Variants in LRRC8C observed in about 807,000 individuals in gnomAD.
LRRC8C encodes leucine rich repeat containing 8 VRAC subunit C, also known as volume-regulated anion channel subunit LRRC8C.
In LRRC8C, 20 loss-of-function variants were observed where a neutral mutation model predicts 55.3. The ratio of observed to expected loss-of-function variants is 0.36; its 90% CI spans 0.25 to 0.53. The LOEUF is 0.53. Among genes scored for constraint, LRRC8C ranks in the 20% least tolerant of loss-of-function variants. The probability of loss-of-function intolerance (pLI) is 0.92; values close to 1 mark genes in which losing one functional copy is unlikely to be tolerated. For synonymous variants in LRRC8C, 376 were observed against 360.7 expected (o/e 1.04, Z -0.48); for missense variants, 659 against 951.4 (o/e 0.69, Z 4.04).
intron 1 of LRRC8C, among the ~76,000 whole-genome samples, chr1:89,680,521 T>A (rs961243090): frequency 6.7e-6 from 1 of 150,228 alleles, no homozygotes; most frequent in African/African-American, 2.4e-5. Flanking sequence ...TGGTAGTTGA[T>A]AAGTGCCAGG....
At chr1:89,643,360 G>T (rs1221873593) in intron 1 of LRRC8C, among the ~76,000 whole-genome samples, 2 of 152,200 alleles carry the variant, frequency 1.3e-5, no homozygotes, top group East Asian at 3.9e-4. Context: ...GAAGTTACAG[G>T]CATAAGCCAC....
At chr1:89,708,451 C>T (rs1455160771) in intron 2 of LRRC8C, 1 of 151,466 alleles carries the variant, frequency 6.6e-6, no homozygotes, top group Non-Finnish European at 1.5e-5. Flanking sequence ...GAAAAAGAAA[C>T]GTGAAGTATA....
At chr1:89,621,818 G>C in the LRRC8C span, among the ~76,000 whole-genome samples, 1 of 152,168 alleles carries the variant, frequency 6.6e-6, no homozygotes, top group Non-Finnish European at 1.5e-5. Flanking sequence ...TTTTTCAAAT[G>C]CATCTATGTT....
intron 1 of LRRC8C, among the ~76,000 whole-genome samples, chr1:89,671,377 C>A (rs1047750575): frequency 7.3e-5 from 11 of 149,870 alleles, no homozygotes; most frequent in African/African-American, 2.8e-4. Context: ...AAAAACAGAT[C>A]AAAGGAGACT....
chr1:89,674,739 C>T (rs1336384739), intron 1 of LRRC8C, among the ~76,000 whole-genome samples: 1 of 152,168 alleles, frequency 6.6e-6, no homozygotes, highest in Admixed American at 6.5e-5. Flanking sequence ...GATAATTAGT[C>T]AACCGTTAGT....
chr1:89,623,190 A>G, the LRRC8C span, among the ~76,000 whole-genome samples: 1 of 152,022 alleles, frequency 6.6e-6, no homozygotes, highest in Admixed American at 6.6e-5. Context: ...ACATGCGCAC[A>G]CACACACACA....
At chr1:89,689,950 AAGAG>A (rs1392516743) in intron 2 of LRRC8C, among the ~76,000 whole-genome samples, 1 of 152,180 alleles carries the variant, frequency 6.6e-6, no homozygotes, top group Non-Finnish European at 1.5e-5. Flanking sequence ...CAAAAAAAAA[AAGAG>A]AGAAATCAAG....
chr1:89,692,858 G>T (rs1037052589), intron 2 of LRRC8C, among the ~76,000 whole-genome samples: 2 of 152,118 alleles, frequency 1.3e-5, no homozygotes, highest in African/African-American at 4.8e-5. Flanking sequence ...AGGTCAACAC[G>T]TTGCTTCCTG....
At chr1:89,666,864 G>A (rs1378292415) in intron 1 of LRRC8C, among the ~76,000 whole-genome samples, 2 of 152,082 alleles carry the variant, frequency 1.3e-5, no homozygotes, top group East Asian at 1.9e-4. Flanking sequence ...CCATTTCTTA[G>A]GGAGCTTACC....
intron 2 of LRRC8C, among the ~76,000 whole-genome samples, chr1:89,709,107 C>A (rs1163241025): frequency 6.6e-6 from 1 of 152,256 alleles, no homozygotes; most frequent in Non-Finnish European, 1.5e-5. Context: ...AACAGAACTT[C>A]TGGAGATTGC....
chr1:89,701,724 C>A (rs17130857), intron 2 of LRRC8C, among the ~76,000 whole-genome samples: 2,335 of 152,160 alleles, frequency 0.015, 43 homozygotes, highest in African/African-American at 0.054. Context: ...GATGGTAAAA[C>A]AGGTGTTACA....
chr1:89,630,289 C>A (rs1656071432), upstream of LRRC8C, among the ~76,000 whole-genome samples: 1 of 152,174 alleles, frequency 6.6e-6, no homozygotes, highest in Non-Finnish European at 1.5e-5. Flanking sequence ...TAAGTCTCAC[C>A]ACAACCCTAA....
At position 89,714,905 on chromosome 1, in the gene LRRC8C, C is replaced by T. The variant is rs764993549; in HGVS notation, c.2335C>T (p.Arg779Ter). ...PELGDCRALK[R>*]AGLVVEDALF... ...ACTGGGTGACTGTCGGGCTCTGAAG[C>T]GAGCTGGTTTAGTTGTAGAAGATGC... The change falls in exon 3 of 3, where the codon CGA becomes TGA. Residue 779 changes from arginine (R) to a stop codon, truncating the protein, a stop_gained. Coordinates refer to ENST00000370454, the MANE Select transcript of LRRC8C (RefSeq NM_032270.5). LOFTEE classifies it high-confidence loss of function. The surrounding 1 kb of genome is among the most constrained non-coding windows in gnomAD (Gnocchi z 4.6). The T allele has an allele frequency of 5.0e-6, 8 of 1,613,810 alleles. No individual in the cohort carries two copies. The highest frequency in any genetic ancestry group is 1.3e-5 in the African/African-American group (1 of 74,894).
At chr1:89,642,273 T>C (rs1372535122) in intron 1 of LRRC8C, among the ~76,000 whole-genome samples, 1 of 152,240 alleles carries the variant, frequency 6.6e-6, no homozygotes, top group African/African-American at 2.4e-5. Context: ...CTTTTGACCA[T>C]AGAGTAGATA....
upstream of LRRC8C, among the ~76,000 whole-genome samples, chr1:89,631,226 T>C (rs560182590): frequency 3.3e-5 from 5 of 152,204 alleles, no homozygotes; most frequent in East Asian, 3.9e-4. Flanking sequence ...ACTATACCTA[T>C]AGGGATGATA....
intron 1 of LRRC8C, among the ~76,000 whole-genome samples, chr1:89,679,136 G>A (rs894476096): frequency 6.6e-6 from 1 of 152,172 alleles, no homozygotes; most frequent in Non-Finnish European, 1.5e-5. Flanking sequence ...GGGGGTCGGG[G>A]AGAAGAGGAG....
intron 2 of LRRC8C, among the ~76,000 whole-genome samples, chr1:89,700,681 G>T (rs757700597): frequency 2.6e-5 from 4 of 152,108 alleles, no homozygotes; most frequent in Non-Finnish European, 4.4e-5. Flanking sequence ...TCAGACTGGG[G>T]GCAAGTCTAG....
intron 2 of LRRC8C, among the ~76,000 whole-genome samples, chr1:89,711,524 C>G (rs1206898157): frequency 6.6e-6 from 1 of 152,222 alleles, no homozygotes; most frequent in African/African-American, 2.4e-5. Context: ...GCTGAATACT[C>G]TTTGGTTATT....
chr1:89,659,577 A>G (rs1657057658), intron 1 of LRRC8C, among the ~76,000 whole-genome samples: 1 of 152,178 alleles, frequency 6.6e-6, no homozygotes, highest in South Asian at 2.1e-4. Flanking sequence ...GTTATGATGG[A>G]GGTGGGGTTT....
Sources: gnomAD v4.1 joint callset for allele counts (sites outside exome capture counted in the v4.1 genomes callset) on GRCh38, gnomAD v4.1.1 for gene constraint, Gnocchi (gnomAD v3.1) non-coding constraint, MANE v1.5 for transcripts, NCBI Gene and HGNC (gene_info 2026-07-23, HGNC 2026-07-21) for gene names.